The following GRB10 variants were observed in gnomAD, a reference collection of about 807,000 sequenced individuals.
GRB10 encodes the protein growth factor receptor-bound protein 10.
Under a neutral mutation model 80.9 loss-of-function variants are expected in GRB10, and 20 were observed. The observed-to-expected ratio is 0.25, with a 90% CI of 0.17 to 0.36. GRB10 has a LOEUF of 0.36. Ranked by LOEUF, GRB10 falls within the 10% of genes least tolerant of loss-of-function variation. GRB10 has a pLI of 1.00. For synonymous variants in GRB10, 291 were observed against 291.5 expected (o/e 1.00, Z 0.02); for missense variants, 548 against 747.7 (o/e 0.73, Z 3.12).
intron 2 of GRB10, among the ~76,000 whole-genome samples, chr7:50,764,497 G>A (rs2076121969): frequency 6.6e-6 from 1 of 152,170 alleles, no homozygotes. Flanking sequence ...CTTAAATATA[G>A]TAGAGCACAG....
Position 50,743,875 on chromosome 7 carries a change from G to C in GRB10, c.-46-11507C>G, listed in dbSNP as rs189699684. Among the ~76,000 whole-genome samples, 428 of 152,306 alleles carry C rather than the reference G, an allele frequency of 2.8e-3. 1 individual carries two copies. Among genetic ancestry groups the C allele is most frequent in the Non-Finnish European group, 4.4e-3 (297 of 68,018 alleles). On this transcript the variant is annotated intron_variant, in intron 3 of 18. Transcript: ENST00000401949. The stretch of plus-strand genomic sequence containing the variant: ...AGTGATCCAACTGATCTGAGACCCA[G>C]AAAGTCAACAGAAAACTTGAGCAAA...
At chr7:50,608,241 T>A (rs1409759563) in intron 13 of GRB10, among the ~76,000 whole-genome samples, 1 of 152,166 alleles carries the variant, frequency 6.6e-6, no homozygotes, top group Non-Finnish European at 1.5e-5. Flanking sequence ...ACGTGCATTA[T>A]TTTCACAGAA....
At chr7:50,775,174 C>G (rs7797195) in intron 2 of GRB10, among the ~76,000 whole-genome samples, 2 of 71,448 alleles carry the variant, frequency 2.8e-5, no homozygotes, top group African/African-American at 9.6e-5. Context: ...AAAAAAAAAA[C>G]AAAAAAAAAC....
At position 50,592,850 on chromosome 7, in the gene GRB10, TC is replaced by T. The variant is rs869305635; in HGVS notation, c.*101del. The T allele has an allele frequency of 1.5e-6, 2 of 1,337,918 alleles. No homozygotes were observed. The allele number at this position is 1,337,918 out of a possible 1,614,324, so 82.9% of individuals were successfully genotyped here. On this transcript the variant is annotated 3_prime_UTR_variant, in exon 19 of 19. Transcript: ENST00000401949. ...CCGAACAAACCCATCTCGCTCTGGG[TC>T]CCCAGGTGCAGAATCGATGTGTGTT...
chr7:50,650,430 G>C (rs1345095365), intron 7 of GRB10, among the ~76,000 whole-genome samples: 1 of 141,256 alleles, frequency 7.1e-6, no homozygotes, highest in Admixed American at 7.1e-5. Flanking sequence ...AGCCAGAGAG[G>C]AATGTGGCCA....
chr7:50,618,608 G>A (rs1414632936), intron 9 of GRB10, among the ~76,000 whole-genome samples: 2 of 152,222 alleles, frequency 1.3e-5, no homozygotes, highest in African/African-American at 2.4e-5. Context: ...CTTCTCCCCA[G>A]TTGATGCAGC....
chr7:50,619,095 G>C, intron 9 of GRB10, 75 bp downstream of exon 9: 1 of 850,460 alleles, frequency 1.2e-6, no homozygotes, highest in Non-Finnish European at 2.0e-6. Context: ...TTTCTAATCT[G>C]ATACTATGAA....
intron 17 of GRB10, among the ~76,000 whole-genome samples, chr7:50,596,780 C>T (rs776226224): frequency 2.7e-4 from 41 of 152,034 alleles, no homozygotes; most frequent in Non-Finnish European, 4.4e-4. Context: ...GGTATCTGGG[C>T]GAAGTGTGTA....
chr7:50,723,436 GT>G (rs1244496214), intron 4 of GRB10, among the ~76,000 whole-genome samples: 1 of 152,194 alleles, frequency 6.6e-6, no homozygotes, highest in African/African-American at 2.4e-5. Flanking sequence ...ATGTTCTAAT[GT>G]TGTTTGGTCC....
intron 5 of GRB10, among the ~76,000 whole-genome samples, chr7:50,675,750 T>G (rs901239082): frequency 1.1e-4 from 16 of 152,070 alleles, no homozygotes; most frequent in African/African-American, 3.9e-4. Context: ...ATACAGCCTA[T>G]TTAATGGGTC....
At chr7:50,687,875 C>G (rs1017812279) in intron 5 of GRB10, among the ~76,000 whole-genome samples, 1 of 152,230 alleles carries the variant, frequency 6.6e-6, no homozygotes, top group Non-Finnish European at 1.5e-5. Context: ...GTACTTACTG[C>G]TCACATCTCC....
chr7:50,717,627 A>C (rs933721651), intron 4 of GRB10, among the ~76,000 whole-genome samples: 1 of 152,260 alleles, frequency 6.6e-6, no homozygotes, highest in Non-Finnish European at 1.5e-5. Flanking sequence ...CTGAAGCTAC[A>C]AAACATTTCT....
chr7:50,690,274 C>T (rs1323180511), intron 5 of GRB10, among the ~76,000 whole-genome samples: 1 of 149,496 alleles, frequency 6.7e-6, no homozygotes, highest in Non-Finnish European at 1.5e-5. Context: ...CCAGCCTGGG[C>T]AACAAGAGCG....
intron 7 of GRB10, among the ~76,000 whole-genome samples, chr7:50,653,408 T>G (rs1042965020): frequency 6.6e-6 from 1 of 152,168 alleles, no homozygotes; most frequent in South Asian, 2.1e-4. Flanking sequence ...CTAAAAGCTG[T>G]TTGTCTCGGC....
intron 8 of GRB10, among the ~76,000 whole-genome samples, chr7:50,620,818 T>C (rs947691790): frequency 2.6e-5 from 4 of 152,216 alleles, no homozygotes; most frequent in African/African-American, 9.6e-5. Context: ...TCATTGAAAA[T>C]GGATTTTCCA....
At chr7:50,790,224 G>T (rs538385280) in intron 1 of GRB10, among the ~76,000 whole-genome samples, 1 of 152,330 alleles carries the variant, frequency 6.6e-6, no homozygotes, top group Admixed American at 6.5e-5. Context: ...GATCAGACCA[G>T]TTATACCCCT....
chr7:50,785,642 C>T (rs563606659), upstream of GRB10, among the ~76,000 whole-genome samples: 4 of 152,378 alleles, frequency 2.6e-5, no homozygotes, highest in East Asian at 1.9e-4. Flanking sequence ...CACTGCCCAC[C>T]GCGGGCACCC....
At position 50,768,547 on chromosome 7, in the gene GRB10, C is replaced by A. The variant is rs114948366; in HGVS notation, c.-217+12080G>T. Among the ~76,000 whole-genome samples, 1,360 of 152,312 alleles carry A rather than the reference C, an allele frequency of 8.9e-3. 25 individuals carry two copies. Among genetic ancestry groups the A allele is most frequent in the African/African-American group, 0.031 (1,283 of 41,558 alleles). On this transcript the variant is annotated intron_variant, in intron 2 of 18. Transcript: ENST00000401949. ...TTCACTCAGTACACACTTACCATGT[C>A]ATCACTATGTTCTCAATCTTAGCAT...
chr7:50,672,201 G>C (rs906839946), intron 6 of GRB10, among the ~76,000 whole-genome samples: 10 of 152,166 alleles, frequency 6.6e-5, no homozygotes, highest in Non-Finnish European at 1.2e-4. Flanking sequence ...GCAGCCCCCG[G>C]TAAGTTCCTC....
Sources: allele counts gnomAD v4.1 joint callset (sites outside exome capture counted in the v4.1 genomes callset), GRCh38; gene constraint gnomAD v4.1.1; transcripts MANE v1.5; gene names NCBI Gene and HGNC (gene_info 2026-07-23, HGNC 2026-07-21).